PTPRM: variants seen among roughly 807,000 people sequenced by gnomAD.
PTPRM encodes receptor-type tyrosine-protein phosphatase mu.
PTPRM carries 47 observed loss-of-function variants against 186.7 expected under a neutral mutation model. That is an observed-to-expected ratio of 0.25 (90% CI 0.20 to 0.32). The LOEUF (loss-of-function observed/expected upper bound fraction) is 0.32, where lower values mean the gene tolerates loss of function less well. PTPRM is among the 10% of genes least tolerant of loss of function. PTPRM has a pLI of 1.00. For missense variants in PTPRM, 1,494 were observed against 1,865.0 expected (o/e 0.80, Z 3.66); for synonymous variants, 668 against 674.9 (o/e 0.99, Z 0.16).
rs543048420 is a variant in PTPRM, at chr18:7,962,880, C to T, written c.1132+7466C>T. 1.6e-4 allele frequency among the ~76,000 whole-genome samples: 24 copies of T among 152,290 alleles called. 1 individual carries two copies. In the South Asian group the frequency reaches 5.0e-3, roughly 32 times the overall value. Reference sequence around the variant, plus strand: ...AAGTATCTGGACTTACAGGGCTGACCCTCAGGTACCTGGGGCCATGTGGGA... The same window carrying T: ...AAGTATCTGGACTTACAGGGCTGACTCTCAGGTACCTGGGGCCATGTGGGA... On this transcript the variant is annotated intron_variant, in intron 7 of 32. Transcript: ENST00000580170.
At chr18:8,318,065 G>C (rs1020091308) in intron 21 of PTPRM, among the ~76,000 whole-genome samples, 3 of 152,096 alleles carry the variant, frequency 2.0e-5, no homozygotes, top group African/African-American at 7.2e-5. Flanking sequence ...AGGGCAAAAT[G>C]ATCTAACATG....
intron 14 of PTPRM, among the ~76,000 whole-genome samples, chr18:8,157,998 C>T (rs956388447): frequency 1.3e-5 from 2 of 152,132 alleles, no homozygotes; most frequent in Non-Finnish European, 2.9e-5. Flanking sequence ...TGCAGGAGGT[C>T]GAAGGCCCTG....
intron 7 of PTPRM, among the ~76,000 whole-genome samples, chr18:8,054,461 T>G (rs542071850): frequency 6.6e-6 from 1 of 151,690 alleles, no homozygotes; most frequent in South Asian, 2.1e-4. Context: ...AAATAACTTT[T>G]TTTCTTTAGA....
chr18:8,171,689 C>T (rs959579239), intron 14 of PTPRM, among the ~76,000 whole-genome samples: 3 of 152,026 alleles, frequency 2.0e-5, no homozygotes, highest in East Asian at 1.9e-4. Context: ...GAGATTTTTC[C>T]GAGTCTTTCT....
In PTPRM at chr18:7,734,300, A is replaced by T. The variant is rs149574412; in HGVS notation, c.74-39849A>T. ...AAAAGAAGGAACATGATGGTACATT[A>T]TTTCTGTTGAAAGCAAATGAGGGCA... is the stretch of plus-strand genomic sequence containing the variant. On this transcript the variant is annotated intron_variant, in intron 1 of 32. Transcript: ENST00000580170. 2.6e-5 allele frequency among the ~76,000 whole-genome samples: 4 copies of T among 152,284 alleles called. No homozygotes were observed. The East Asian group carries it at 5.8e-4, about 22-fold the overall frequency.
At chr18:7,757,261 G>A (rs978534161) in intron 1 of PTPRM, among the ~76,000 whole-genome samples, 5 of 152,216 alleles carry the variant, frequency 3.3e-5, no homozygotes, top group Non-Finnish European at 7.3e-5. Flanking sequence ...CATGTGTTCT[G>A]TATTCCTGAC....
intron 11 of PTPRM, among the ~76,000 whole-genome samples, chr18:8,101,358 G>A (rs2091283867): frequency 6.6e-6 from 1 of 152,186 alleles, no homozygotes; most frequent in Non-Finnish European, 1.5e-5. Context: ...TTTTCTTATT[G>A]TTGATTTCTA....
At chr18:8,143,286 G>T (rs1305420266) in intron 13 of PTPRM, among the ~76,000 whole-genome samples, 1 of 152,126 alleles carries the variant, frequency 6.6e-6, no homozygotes, top group Non-Finnish European at 1.5e-5. Context: ...TTGGATAAAG[G>T]CTTAGGGATA....
chr18:8,377,122 G>C (rs1052174646), intron 26 of PTPRM: 1 of 152,346 alleles, frequency 6.6e-6, no homozygotes, highest in African/African-American at 2.4e-5. Flanking sequence ...GAAATTCAAG[G>C]TATATCGGGA....
intron 13 of PTPRM, among the ~76,000 whole-genome samples, chr18:8,135,864 C>T (rs941144044): frequency 6.6e-6 from 1 of 152,168 alleles, no homozygotes; most frequent in Non-Finnish European, 1.5e-5. Context: ...ATACTTCTAG[C>T]AAGCATACAG....
At chr18:8,074,847 G>A (rs917161902) in intron 8 of PTPRM, among the ~76,000 whole-genome samples, 2 of 152,124 alleles carry the variant, frequency 1.3e-5, no homozygotes, top group Non-Finnish European at 2.9e-5. Context: ...CCCATTCTGT[G>A]TCTTGTCTTA....
chr18:8,193,084 G>T (rs184412148), intron 14 of PTPRM, among the ~76,000 whole-genome samples: 183 of 152,264 alleles, frequency 1.2e-3, no homozygotes, highest in African/African-American at 4.1e-3. Flanking sequence ...CATTATTGTG[G>T]TTATATAGGA....
chr18:7,595,089 A>T (rs904124669), intron 1 of PTPRM, among the ~76,000 whole-genome samples: 1 of 152,140 alleles, frequency 6.6e-6, no homozygotes, highest in African/African-American at 2.4e-5. Context: ...GCTAGGCCTG[A>T]TGTTGACAGA....
At chr18:7,865,069 G>C (rs1387400071) in intron 2 of PTPRM, among the ~76,000 whole-genome samples, 1 of 152,218 alleles carries the variant, frequency 6.6e-6, no homozygotes, top group Admixed American at 6.5e-5. Flanking sequence ...CTTTGCTGAA[G>C]TTGCTTGTCA....
At chr18:8,046,019 A>G (rs910722246) in intron 7 of PTPRM, among the ~76,000 whole-genome samples, 9 of 152,036 alleles carry the variant, frequency 5.9e-5, no homozygotes, top group Admixed American at 2.0e-4. Context: ...TGTCATGGGG[A>G]GGTAATCGGA....
At chr18:8,287,266 A>G (rs2094967494) in intron 19 of PTPRM, among the ~76,000 whole-genome samples, 2 of 152,220 alleles carry the variant, frequency 1.3e-5, no homozygotes, top group Admixed American at 1.3e-4. Flanking sequence ...TACTGTCATC[A>G]AGGTCTCAGG....
At position 7,835,338 on chromosome 18, in the gene PTPRM, C is replaced by T. The variant is rs369003967; in HGVS notation, c.197-52768C>T. Among the ~76,000 whole-genome samples the T allele has an allele frequency of 2.8e-3, 426 of 151,710 alleles. 3 individuals carry two copies. Among genetic ancestry groups the T allele is most frequent in the Non-Finnish European group, 4.2e-3 (287 of 67,864 alleles). On this transcript the variant is annotated intron_variant, in intron 2 of 32. Coordinates refer to ENST00000580170, the MANE Select transcript of PTPRM (RefSeq NM_001105244.2). ...TTTCCTTCTTAATTTCTTCATTGAC[C>T]CACTGGTCATTCAGAAACATTTTGT...
intron 11 of PTPRM, among the ~76,000 whole-genome samples, chr18:8,105,689 G>A (rs1246547565): frequency 6.6e-6 from 1 of 152,148 alleles, no homozygotes; most frequent in Non-Finnish European, 1.5e-5. Flanking sequence ...GGCCCCCAGT[G>A]CTGAGGGCGG....
chr18:7,870,887 C>T (rs1464595713), intron 2 of PTPRM, among the ~76,000 whole-genome samples: 1 of 152,186 alleles, frequency 6.6e-6, no homozygotes, highest in African/African-American at 2.4e-5. Flanking sequence ...AGTTAACTCT[C>T]ATGGGGATAA....
Sources: allele counts gnomAD v4.1 joint callset (sites outside exome capture counted in the v4.1 genomes callset), GRCh38; gene constraint gnomAD v4.1.1; transcripts MANE v1.5; gene names NCBI Gene and HGNC (gene_info 2026-07-23, HGNC 2026-07-21).